Variants in LYST observed in about 807,000 individuals in gnomAD.
LYST encodes lysosomal trafficking regulator.
LYST carries 192 observed loss-of-function variants against 413.6 expected under a neutral mutation model. The ratio of observed to expected loss-of-function variants is 0.46; its 90% CI spans 0.41 to 0.52. LYST has a LOEUF of 0.52. Ranked by LOEUF, LYST falls within the 20% of genes least tolerant of loss-of-function variation. The pLI is 0.00. For synonymous variants in LYST, 1,525 were observed against 1,567.3 expected (o/e 0.97, Z 0.64); for missense variants, 3,815 against 4,499.9 (o/e 0.85, Z 4.35).
intron 1 of LYST, among the ~76,000 whole-genome samples, chr1:235,849,685 T>C (rs1182130469): frequency 3.4e-5 from 5 of 148,236 alleles, no homozygotes; most frequent in Non-Finnish European, 7.4e-5. Context: ...GATACAAGAT[T>C]AATGTACACG....
Position 235,664,459 on chromosome 1 carries a change from TCTTAC to T in LYST, c.11195+1_11195+5del. 6.2e-7 allele frequency: 1 copy of T among 1,613,738 alleles called. No individual in the cohort carries two copies. The highest frequency in any genetic ancestry group is 8.5e-7 in the Non-Finnish European group (1 of 1,179,752). ...ATCAAAAAAAGAGAATCCAAATTCC[TCTTAC>T]CTTACAATTCCATTTTCTAATCCCC... On this transcript the variant is annotated splice_donor_variant and splice_donor_5th_base_variant and intron_variant, in intron 51 of 52. Coordinates refer to ENST00000389793, the MANE Select transcript of LYST (RefSeq NM_000081.4). LOFTEE classifies it high-confidence loss of function. This position sits in a 1 kb window ranked among gnomAD's most constrained non-coding sequence, Gnocchi z 4.5.
rs1244351464 is a variant in LYST at position 235,805,932 on chromosome 1, C to T, written c.3204G>A (p.Gln1068=). The T allele has an allele frequency of 6.2e-7, 1 of 1,613,814 alleles. No homozygotes were observed. The highest frequency in any genetic ancestry group is 1.1e-5 in the South Asian group (1 of 91,076). ...CTTCCACATTTATGGAAGAAATATG[C>T]TGTAACTCTAATTTACCTAAACTGT... is the stretch of plus-strand genomic sequence containing the variant. ...SADSLGKLEL[Q]HISSINVEEV... is the part of the protein sequence containing the mutation. Residue 1068 remains glutamine (Q), a synonymous_variant, in exon 6 of 53, where the codon CAG becomes CAA. Transcript: ENST00000389793.
intron 45 of LYST, among the ~76,000 whole-genome samples, chr1:235,700,891 G>C (rs1005605917): frequency 1.3e-5 from 2 of 152,302 alleles, no homozygotes; most frequent in South Asian, 4.1e-4. Flanking sequence ...TGGGATGGGA[G>C]TATAGACAAA....
intron 1 of LYST, among the ~76,000 whole-genome samples, chr1:235,857,104 C>T (rs1679278713): frequency 6.6e-6 from 1 of 151,994 alleles, no homozygotes; most frequent in South Asian, 2.1e-4. Flanking sequence ...CGTCACCACA[C>T]CTAGCTAATT....
intron 48 of LYST, among the ~76,000 whole-genome samples, chr1:235,681,040 T>C (rs1287305555): frequency 1.3e-5 from 2 of 152,326 alleles, no homozygotes; most frequent in Non-Finnish European, 2.9e-5. Context: ...AGTTCCCCTC[T>C]GGCAGCTCCA....
upstream of LYST, among the ~76,000 whole-genome samples, chr1:235,871,298 G>A (rs1317907874): frequency 6.6e-6 from 1 of 152,124 alleles, no homozygotes; most frequent in Non-Finnish European, 1.5e-5. Flanking sequence ...TGTCAGAGGC[G>A]TCCTAACTAG....
Position 235,731,137 on chromosome 1 carries a change from G to C in LYST, c.8842C>G (p.Gln2948Glu), listed in dbSNP as rs763455386. The C allele has an allele frequency of 6.2e-7, 1 of 1,613,630 alleles. No individual in the cohort carries two copies. The highest frequency in any genetic ancestry group is 8.5e-7 in the Non-Finnish European group (1 of 1,179,612). Residue 2948 changes from glutamine to glutamate, a missense_variant, in exon 35 of 53, where the codon CAG (glutamine) becomes GAG (glutamate). Gln to Glu is a conservative substitution (Grantham distance 29). Coordinates refer to ENST00000389793, the MANE Select transcript of LYST (RefSeq NM_000081.4). ...TTTGGCCCTTCTGTTGGATCCAACT[G>C]CCATGAGGTTGGATAGTAGATGGGG... ...YDPIYYPTSW[Q>E]LDPTEGPNRE...
chr1:235,851,111 G>A (rs147936793), intron 1 of LYST, among the ~76,000 whole-genome samples: 178 of 152,106 alleles, frequency 1.2e-3, no homozygotes, highest in Non-Finnish European at 5.6e-4. Context: ...GCAAAATTGT[G>A]GAACCAACCC....
intron 12 of LYST, among the ~76,000 whole-genome samples, chr1:235,789,636 A>C (rs1670791104): frequency 6.6e-6 from 1 of 152,188 alleles, no homozygotes; most frequent in Middle Eastern, 3.2e-3. Context: ...ATTAGTTGCT[A>C]TTTTTCAACA....
At chr1:235,864,609 A>G (rs112843904) in intron 1 of LYST, among the ~76,000 whole-genome samples, 1,541 of 152,270 alleles carry the variant, frequency 0.01, 41 homozygotes, top group African/African-American at 0.034. Flanking sequence ...TCTATTCTCC[A>G]TCCAGCGCCC....
At chr1:235,876,262 A>G (rs1246071090) in intron 1 of LYST, among the ~76,000 whole-genome samples, 1 of 152,150 alleles carries the variant, frequency 6.6e-6, no homozygotes, top group Admixed American at 6.6e-5. Context: ...ATCTGCTAAA[A>G]GGGAAAGAAC....
intron 43 of LYST, among the ~76,000 whole-genome samples, chr1:235,711,012 G>A (rs564231726): frequency 6.6e-6 from 1 of 152,314 alleles, no homozygotes; most frequent in East Asian, 1.9e-4. Flanking sequence ...GCAACAGCAT[G>A]AGACACCCTG....
Position 235,805,813 on chromosome 1 carries a change from G to C in LYST, c.3323C>G (p.Ala1108Gly). Residue 1108 changes from alanine (A) to glycine (G), a missense_variant, in exon 6 of 53, where the codon GCC (alanine) becomes GGC (glycine). Ala to Gly is a moderately conservative substitution (Grantham distance 60). Transcript: ENST00000389793. ...TSLQSIRLLE[A>G]LLAICLHGAR... ...ACCATGAAGACAAATGGCCAGAAGG[G>C]CTTCCAAAAGTCGTATACTTTGAAG... is the stretch of plus-strand genomic sequence containing the variant. The C allele has an allele frequency of 6.2e-7, 1 of 1,613,474 alleles. No homozygotes were observed. The highest frequency in any genetic ancestry group is 8.5e-7 in the Non-Finnish European group (1 of 1,179,770).
At chr1:235,823,688 G>A (rs1439015801) in intron 3 of LYST, among the ~76,000 whole-genome samples, 2 of 152,206 alleles carry the variant, frequency 1.3e-5, no homozygotes, top group Non-Finnish European at 1.5e-5. Context: ...TTCATTGAAT[G>A]TGCTGTGTTT....
At position 235,745,224 on chromosome 1, in the gene LYST, T is replaced by TA. The variant is rs531434497; in HGVS notation, c.7973-1068dup. 1.4e-4 allele frequency among the ~76,000 whole-genome samples: 22 copies of TA among 152,344 alleles called. No individual in the cohort carries two copies. The East Asian group carries it at 4.0e-3, about 28-fold the overall frequency. ...ACCTCACATAGTTACCACTTTTTTTTATGTGTGATGAGAACATGATTTATA... is the reference window on the plus strand; with the variant it reads ...ACCTCACATAGTTACCACTTTTTTTTAATGTGTGATGAGAACATGATTTATA... On this transcript the variant is annotated intron_variant, in intron 29 of 52. Coordinates refer to ENST00000389793, the MANE Select transcript of LYST (RefSeq NM_000081.4).
chr1:235,680,888 C>T (rs187616334), intron 48 of LYST, among the ~76,000 whole-genome samples: 9 of 152,266 alleles, frequency 5.9e-5, no homozygotes, highest in Admixed American at 1.3e-4. Flanking sequence ...CGTGAGCCAC[C>T]GCGCCTGGCC....
At chr1:235,762,648 G>A in intron 22 of LYST, 72 bp downstream of exon 22, 1 of 1,469,432 alleles carries the variant, frequency 6.8e-7, no homozygotes, top group Admixed American at 1.7e-5. Flanking sequence ...TCTAAAATAT[G>A]TACAATTTAA....
chr1:235,666,894 G>A (rs1233925213), intron 50 of LYST, among the ~76,000 whole-genome samples: 5 of 152,122 alleles, frequency 3.3e-5, no homozygotes, highest in Non-Finnish European at 7.3e-5. Context: ...AAGATATTGA[G>A]GTAGGGGTTT....
rs371806766 is a variant in LYST, at chr1:235,715,304, G to A, written c.9681C>T (p.Pro3227=). The change falls in exon 42 of 53, where the codon CCC becomes CCT. Residue 3227 remains proline, a synonymous_variant. Coordinates refer to ENST00000389793, the MANE Select transcript of LYST (RefSeq NM_000081.4). ...GGGAGCCATAGTGATAGGGCTGCACGGGAGGCATGGGGTCATCTTCTCTGG... is the reference window on the plus strand; with the variant it reads ...GGGAGCCATAGTGATAGGGCTGCACAGGAGGCATGGGGTCATCTTCTCTGG... ...KGAREDDPMP[P]VQPYHYGSHY... 2.5e-6 allele frequency: 4 copies of A among 1,613,826 alleles called. No individual in the cohort carries two copies. The highest frequency in any genetic ancestry group is 2.7e-5 in the African/African-American group (2 of 74,884).
Sources: allele counts gnomAD v4.1 joint callset (sites outside exome capture counted in the v4.1 genomes callset), GRCh38; gene constraint gnomAD v4.1.1; non-coding constraint Gnocchi (gnomAD v3.1); transcripts MANE v1.5; gene names NCBI Gene and HGNC (gene_info 2026-07-23, HGNC 2026-07-21).